DYSF: variants seen among roughly 807,000 people sequenced by gnomAD.
The protein encoded by DYSF is dystrophy-associated fer-1-like 1.
In DYSF, 212 loss-of-function variants were observed where a neutral mutation model predicts 274.9. The observed-to-expected ratio is 0.77, with a 90% CI of 0.69 to 0.86. DYSF has a LOEUF of 0.86. Ranked by LOEUF, DYSF falls within the 40% of genes least tolerant of loss-of-function variation. The pLI, the probability that DYSF is intolerant of heterozygous loss-of-function variation, is 0.00. For synonymous variants in DYSF, 1,091 were observed against 1,078.7 expected, an observed-to-expected ratio of 1.01 and a Z score of -0.22; for missense variants, 2,666 against 2,783.2, an observed-to-expected ratio of 0.96 and a Z score of 0.95.
At chr2:71,570,446 C>T (rs2092352105) in intron 28 of DYSF, 112 bp downstream of exon 28, 1 of 1,418,116 alleles carries the variant, frequency 7.1e-7, no homozygotes, top group African/African-American at 1.4e-5. Context: ...CCCAGGGACG[C>T]TTCTTGAAGG....
intron 3 of DYSF, among the ~76,000 whole-genome samples, chr2:71,484,253 A>G (rs1415303695): frequency 1.3e-5 from 2 of 151,748 alleles, no homozygotes; most frequent in African/African-American, 4.8e-5. Flanking sequence ...GGGTTCCTCC[A>G]TGTTGGCCAG....
upstream of DYSF, among the ~76,000 whole-genome samples, chr2:71,465,766 C>T (rs1331915346): frequency 6.6e-6 from 1 of 152,158 alleles, no homozygotes; most frequent in Non-Finnish European, 1.5e-5. Context: ...GGGCTAGGTG[C>T]TGGAGTGCTG....
At chr2:71,550,871 G>A (rs2090892708) in intron 17 of DYSF, among the ~76,000 whole-genome samples, 170 bp from the exon 18 acceptor site, 1 of 152,210 alleles carries the variant, frequency 6.6e-6, no homozygotes. Flanking sequence ...AGGGGAGGGC[G>A]TGAGAGCTAT....
chr2:71,668,146 C>A (rs1264757171), intron 48 of DYSF, among the ~76,000 whole-genome samples: 1 of 152,130 alleles, frequency 6.6e-6, no homozygotes, highest in Non-Finnish European at 1.5e-5. Flanking sequence ...ATGAGGATGC[C>A]TTTGTGAATG....
intron 10 of DYSF, among the ~76,000 whole-genome samples, 188 bp from the exon 11 acceptor site, chr2:71,519,990 A>G (rs958525783): frequency 2.6e-5 from 4 of 152,040 alleles, no homozygotes; most frequent in African/African-American, 9.7e-5. Context: ...TCTGTACATA[A>G]GCATTCTTTA....
intron 1 of DYSF, among the ~76,000 whole-genome samples, chr2:71,455,646 A>G (rs1378419957): frequency 6.6e-6 from 1 of 152,126 alleles, no homozygotes; most frequent in African/African-American, 2.4e-5. Context: ...TTCATACTGT[A>G]AATAGCCCCT....
chr2:71,532,215 C>A (rs1462141886), intron 14 of DYSF, among the ~76,000 whole-genome samples: 1 of 152,174 alleles, frequency 6.6e-6, no homozygotes, highest in Non-Finnish European at 1.5e-5. Context: ...AAATTTTCCT[C>A]TTTTATAAAC....
At chr2:71,517,173 G>A (rs575657001) in intron 10 of DYSF, 134 bp downstream of exon 10, 509 of 876,202 alleles carry the variant, frequency 5.8e-4, no homozygotes, top group Admixed American at 7.8e-4. Context: ...AAAGAACAAC[G>A]CCAAGCCCTC....
At chr2:71,513,622 T>C (rs1433353077) in intron 6 of DYSF, 94 bp from the exon 7 acceptor site, 2 of 1,325,588 alleles carry the variant, frequency 1.5e-6, no homozygotes, top group African/African-American at 2.9e-5. Flanking sequence ...GGCCCATGCC[T>C]TTTGGATCTT....
At chr2:71,596,002 CTTT>C (rs34280550) in intron 32 of DYSF, among the ~76,000 whole-genome samples, 7 of 135,790 alleles carry the variant, frequency 5.2e-5, no homozygotes, top group Admixed American at 1.5e-4. Context: ...CCCCTTTTTC[CTTT>C]TTTTTTTTTT....
chr2:71,595,865 C>T (rs977357027), intron 32 of DYSF, among the ~76,000 whole-genome samples: 1 of 152,202 alleles, frequency 6.6e-6, no homozygotes, highest in Non-Finnish European at 1.5e-5. Flanking sequence ...CAGCCCCTCA[C>T]CTTCCCCTCC....
intron 20 of DYSF, 113 bp from the exon 21 acceptor site, chr2:71,553,694 C>T: frequency 1.6e-5 from 19 of 1,219,550 alleles, no homozygotes; most frequent in Non-Finnish European, 2.1e-5. Context: ...TGGTCCCTTT[C>T]CCAGCTCTGC....
At chr2:71,655,396 A>C (rs928040797) in intron 42 of DYSF, among the ~76,000 whole-genome samples, 2 of 152,228 alleles carry the variant, frequency 1.3e-5, no homozygotes, top group African/African-American at 4.8e-5. Context: ...AATGAGAAAT[A>C]ATATTTGGAA....
chr2:71,666,692 C>T (rs552796850), intron 47 of DYSF, among the ~76,000 whole-genome samples: 2 of 152,340 alleles, frequency 1.3e-5, no homozygotes, highest in East Asian at 3.9e-4. Context: ...CTGGGACGCA[C>T]CTGGGGACAG....
intron 40 of DYSF, among the ~76,000 whole-genome samples, chr2:71,618,253 C>CATGTGTGGTAGAGGTGTGT (rs2093965680): frequency 7.1e-3 from 37 of 5,216 alleles, no homozygotes; most frequent in Admixed American, 0.018. Context: ...GTAGAGGTGG[C>CATGTGTGGTAGAGGTGTGT]GTGTGTGGTA....
At chr2:71,492,512 CAAAG>C (rs2083945278) in intron 3 of DYSF, among the ~76,000 whole-genome samples, 1 of 151,960 alleles carries the variant, frequency 6.6e-6, no homozygotes, top group Non-Finnish European at 1.5e-5. Flanking sequence ...TTCTTCATTT[CAAAG>C]AAAGAATGAG....
intron 14 of DYSF, among the ~76,000 whole-genome samples, chr2:71,531,695 A>T (rs989864867): frequency 1.3e-5 from 2 of 151,988 alleles, no homozygotes; most frequent in Non-Finnish European, 2.9e-5. Context: ...GCTGTTTAAA[A>T]TGGCCCCAAA....
At chr2:71,579,544 C>A (rs1191070377) in intron 30 of DYSF, among the ~76,000 whole-genome samples, 1 of 152,028 alleles carries the variant, frequency 6.6e-6, no homozygotes, top group East Asian at 1.9e-4. Flanking sequence ...GATCCAGGAC[C>A]CCATAGAGGA....
chr2:71,656,112 C>A, intron 42 of DYSF, 50 bp from the exon 43 acceptor site: 1 of 1,611,400 alleles, frequency 6.2e-7, no homozygotes, highest in African/African-American at 1.3e-5. Context: ...TGCTGTTGTT[C>A]TACTTTCTTT....
Sources: gnomAD v4.1 joint callset for allele counts (sites outside exome capture counted in the v4.1 genomes callset) on GRCh38, gnomAD v4.1.1 for gene constraint, MANE v1.5 for transcripts, NCBI Gene and HGNC (gene_info 2026-07-23, HGNC 2026-07-21) for gene names.